The following SLC25A21 variants were observed in gnomAD, a reference collection of about 807,000 sequenced individuals.
SLC25A21 encodes solute carrier family 25 member 21.
A neutral mutation model predicts 43.8 loss-of-function variants in SLC25A21; 47 were observed. The observed-to-expected ratio is 1.07, with a 90% confidence interval of 0.85 to 1.37. The LOEUF (loss-of-function observed/expected upper bound fraction) is 1.37, where lower values mean the gene tolerates loss of function less well. SLC25A21 is among the 40% of genes most tolerant of loss of function. SLC25A21 has a pLI of 0.00. For synonymous variants in SLC25A21, 131 were observed against 121.3 expected (o/e 1.08, Z -0.52); for missense variants, 352 against 350.2 (o/e 1.00, Z -0.04).
At chr14:36,887,079 A>G (rs907115984) in intron 1 of SLC25A21, among the ~76,000 whole-genome samples, 8 of 152,124 alleles carry the variant, frequency 5.3e-5, no homozygotes, top group African/African-American at 1.9e-4. Flanking sequence ...TGAAGAAAAT[A>G]GAGAGAAATA....
intron 1 of SLC25A21, among the ~76,000 whole-genome samples, chr14:37,147,635 T>TA (rs386381131): frequency 9.6e-5 from 1 of 10,468 alleles, no homozygotes; most frequent in Admixed American, 2.3e-3. Flanking sequence ...TTATTTCAGG[T>TA]TTTTTTTTTT....
chr14:37,017,851 C>T (rs992651630), intron 1 of SLC25A21, among the ~76,000 whole-genome samples: 1 of 151,844 alleles, frequency 6.6e-6, no homozygotes, highest in African/African-American at 2.4e-5. Flanking sequence ...ATATTTTCCC[C>T]TTTTGGATGG....
intron 2 of SLC25A21, among the ~76,000 whole-genome samples, chr14:36,834,150 A>ATAT (rs1466118468): frequency 1.3e-5 from 2 of 152,202 alleles, no homozygotes; most frequent in Admixed American, 6.5e-5. Context: ...TAGTAAAAAT[A>ATAT]AGTCATCATG....
chr14:36,880,439 T>C (rs1890681993), intron 1 of SLC25A21, among the ~76,000 whole-genome samples: 1 of 152,144 alleles, frequency 6.6e-6, no homozygotes. Flanking sequence ...AAACAGGAGC[T>C]CCCTGAACTT....
Position 36,679,099 on chromosome 14 carries a change from C to G in SLC25A21, c.*1559G>C. 1.0e-6 allele frequency: 1 copy of G among 985,396 alleles called. No individual in the cohort carries two copies. Among genetic ancestry groups the G allele is most frequent in the Non-Finnish European group, 1.2e-6 (1 of 829,916 alleles). 61.0% of individuals were successfully genotyped at this position (985,396 alleles called of 1,614,324 possible). A position where few individuals can be genotyped will look rare whatever the true frequency, so the allele number is the denominator to read the frequency against. ...AAGGTTCAATTTCATGACCTCTATG[C>G]AGGCAGCGCTCTCATTGGATGTAAG... On this transcript the variant is annotated 3_prime_UTR_variant, in exon 10 of 10. Coordinates refer to ENST00000331299, the MANE Select transcript of SLC25A21 (RefSeq NM_030631.4).
At chr14:37,053,374 A>C (rs575894169) in intron 1 of SLC25A21, among the ~76,000 whole-genome samples, 1 of 152,320 alleles carries the variant, frequency 6.6e-6, no homozygotes, top group African/African-American at 2.4e-5. Context: ...AAATTACTAG[A>C]GAGACATCAA....
intron 2 of SLC25A21, among the ~76,000 whole-genome samples, chr14:36,846,439 T>C (rs953611349): frequency 6.6e-6 from 1 of 152,192 alleles, no homozygotes; most frequent in South Asian, 2.1e-4. Context: ...TAGAGTGCAA[T>C]GCTGTGATCT....
Position 36,680,661 on chromosome 14 carries a change from C to A in SLC25A21, c.897G>T (p.Trp299Cys), listed in dbSNP as rs17104991. ...GGGAAAAACACTTCATAGGCAATCA[C>A]CAGTTCTCTTGAAGCCATGAATAGG... ...EYTYSWLQEN[W>C] Residue 299 changes from tryptophan (W) to cysteine (C), a missense_variant, in exon 10 of 10, where the codon TGG becomes TGT. By Grantham distance (215) the Trp-to-Cys change is radical (BLOSUM62 -2). Coordinates refer to ENST00000331299, the MANE Select transcript of SLC25A21 (RefSeq NM_030631.4). 8,558 of 1,612,392 alleles carry A rather than the reference C, an allele frequency of 5.3e-3. 354 individuals are homozygous for A. The African/African-American group carries it at 0.094, about 18-fold the overall frequency.
intron 1 of SLC25A21, among the ~76,000 whole-genome samples, chr14:36,961,814 G>T (rs891319561): frequency 6.6e-6 from 1 of 152,178 alleles, no homozygotes; most frequent in African/African-American, 2.4e-5. Flanking sequence ...TCCTGGGGAG[G>T]TAAGTATTCT....
chr14:36,852,511 T>C (rs1212416127), intron 2 of SLC25A21, among the ~76,000 whole-genome samples: 1 of 152,200 alleles, frequency 6.6e-6, no homozygotes, highest in Non-Finnish European at 1.5e-5. Context: ...TAATTATAGT[T>C]CTTAGCCTAC....
intron 2 of SLC25A21, among the ~76,000 whole-genome samples, chr14:36,820,297 C>T (rs561457615): frequency 2.0e-5 from 3 of 152,222 alleles, no homozygotes; most frequent in East Asian, 1.9e-4. Flanking sequence ...ATGTGCCATC[C>T]GTCAAAATGT....
chr14:36,699,786 G>A (rs572921470), intron 7 of SLC25A21, among the ~76,000 whole-genome samples: 5 of 152,286 alleles, frequency 3.3e-5, no homozygotes, highest in African/African-American at 1.2e-4. Flanking sequence ...TTGTCTGCAG[G>A]TTGCTAAGAC....
At chr14:36,923,403 G>A (rs187879304) in intron 1 of SLC25A21, among the ~76,000 whole-genome samples, 7 of 152,072 alleles carry the variant, frequency 4.6e-5, no homozygotes, top group East Asian at 3.9e-4. Context: ...ATTCATTGCC[G>A]GCACCTGTAC....
chr14:36,972,803 G>A (rs1294258401), intron 1 of SLC25A21, among the ~76,000 whole-genome samples: 1 of 151,964 alleles, frequency 6.6e-6, no homozygotes, highest in Non-Finnish European at 1.5e-5. Flanking sequence ...GAGTTAGAAT[G>A]TGGAACTTTT....
At chr14:37,099,488 G>A (rs1962775198) in intron 1 of SLC25A21, among the ~76,000 whole-genome samples, 1 of 152,024 alleles carries the variant, frequency 6.6e-6, no homozygotes, top group South Asian at 2.1e-4. Context: ...TTTGTTCTTA[G>A]TAGTCAATGT....
At chr14:36,914,103 C>T (rs149136867) in intron 1 of SLC25A21, among the ~76,000 whole-genome samples, 194 of 152,238 alleles carry the variant, frequency 1.3e-3, no homozygotes, top group African/African-American at 3.9e-3. Flanking sequence ...AGAGGTTGAA[C>T]AAGAACAAAT....
At chr14:36,705,954 C>T (rs980001214) in intron 7 of SLC25A21, among the ~76,000 whole-genome samples, 8 of 152,174 alleles carry the variant, frequency 5.3e-5, no homozygotes, top group Non-Finnish European at 8.8e-5. Context: ...AACTTGATGA[C>T]GTTCTTCAAC....
intron 3 of SLC25A21, among the ~76,000 whole-genome samples, chr14:36,762,782 A>T (rs1324165350): frequency 6.6e-6 from 1 of 152,198 alleles, no homozygotes; most frequent in East Asian, 1.9e-4. Context: ...GATTCATTGA[A>T]GGAATGTTTG....
At chr14:37,057,246 C>A (rs767779649) in intron 1 of SLC25A21, among the ~76,000 whole-genome samples, 3 of 152,086 alleles carry the variant, frequency 2.0e-5, no homozygotes, top group Non-Finnish European at 4.4e-5. Flanking sequence ...TTTTTTGAAA[C>A]AATTTTGTTT....
Sources: gnomAD v4.1 joint callset for allele counts (sites outside exome capture counted in the v4.1 genomes callset) on GRCh38, gnomAD v4.1.1 for gene constraint, MANE v1.5 for transcripts, NCBI Gene and HGNC (gene_info 2026-07-23, HGNC 2026-07-21) for gene names.